The following TUT4 variants were observed in gnomAD, a reference collection of about 807,000 sequenced individuals.
TUT4 encodes terminal uridylyl transferase 4, also known as terminal uridylyltransferase 4.
A neutral mutation model predicts 192.2 loss-of-function variants in TUT4; 36 were observed. The observed-to-expected ratio is 0.19, with a 90% CI of 0.14 to 0.25. TUT4 has a LOEUF of 0.25. Among genes scored for constraint, TUT4 ranks in the 10% least tolerant of loss-of-function variants. The probability of loss-of-function intolerance (pLI) is 1.00; values close to 1 mark genes in which losing one functional copy is unlikely to be tolerated. For missense variants in TUT4, 1,493 were observed against 1,957.2 expected, an observed-to-expected ratio of 0.76 and a Z score of 4.47; for synonymous variants, 618 against 666.0, an observed-to-expected ratio of 0.93 and a Z score of 1.11.
chr1:52,532,549 G>A (rs1447882972), intron 1 of TUT4, among the ~76,000 whole-genome samples: 6 of 152,074 alleles, frequency 3.9e-5, no homozygotes, highest in Admixed American at 3.3e-4. Context: ...GGGCTCAAGC[G>A]ATCCTGCTGC....
intron 16 of TUT4, among the ~76,000 whole-genome samples, chr1:52,464,251 A>T (rs748884056): frequency 6.6e-6 from 1 of 151,648 alleles, no homozygotes; most frequent in East Asian, 1.9e-4. Flanking sequence ...CATTTTATTT[A>T]TTTATTTTTT....
At chr1:52,456,719 T>A (rs910431440) in intron 20 of TUT4, among the ~76,000 whole-genome samples, 2 of 152,070 alleles carry the variant, frequency 1.3e-5, no homozygotes, top group African/African-American at 2.4e-5. Context: ...AGTACAAAAA[T>A]TTTTAAGGCA....
In TUT4 at chr1:52,425,456, C is replaced by T. The variant is rs767255595; in HGVS notation, c.4763G>A (p.Arg1588His). The T allele has an allele frequency of 8.7e-6, 14 of 1,613,870 alleles. No individual in the cohort carries two copies. The East Asian group carries it at 1.1e-4, about 13-fold the overall frequency. Reference protein sequence around the residue: ...TPPIPWEHAPRPHFPLVPASW... With the variant: ...TPPIPWEHAPHPHFPLVPASW... ...AGCTGGGACAAGGGGGAAATGGGGA[C>T]GCGGTGCATGTTCCCAAGGAATTGG... The change falls in exon 29 of 30, where the codon CGT becomes CAT. Residue 1588 changes from arginine to histidine, a missense_variant. Arg to His is a conservative substitution (Grantham distance 29, BLOSUM62 0). Transcript: ENST00000257177.
At chr1:52,553,456 C>G (rs1441976049), upstream of TUT4, 1 of 150,106 alleles carries the variant, frequency 6.7e-6, no homozygotes, top group Non-Finnish European at 1.5e-5. Context: ...GAAGGGAGCG[C>G]GCGAGAGACA....
chr1:52,529,116 T>C (rs942146582), intron 1 of TUT4, among the ~76,000 whole-genome samples: 2 of 152,160 alleles, frequency 1.3e-5, no homozygotes, highest in Non-Finnish European at 2.9e-5. Context: ...CTTTCTAAAT[T>C]ATTATAATGA....
chr1:52,511,673 A>T (rs1411197072), intron 3 of TUT4, among the ~76,000 whole-genome samples: 3 of 152,158 alleles, frequency 2.0e-5, no homozygotes, highest in Non-Finnish European at 4.4e-5. Flanking sequence ...GCCCTGAGGC[A>T]GGAAGGTACC....
chr1:52,518,969 A>C (rs982925298), intron 2 of TUT4, among the ~76,000 whole-genome samples: 1 of 152,202 alleles, frequency 6.6e-6, no homozygotes, highest in Non-Finnish European at 1.5e-5. Flanking sequence ...TGTATTTATC[A>C]CCAAAAAACT....
At chr1:52,484,914 C>G (rs1353206920) in intron 9 of TUT4, among the ~76,000 whole-genome samples, 1 of 152,184 alleles carries the variant, frequency 6.6e-6, no homozygotes, top group African/African-American at 2.4e-5. Flanking sequence ...AGAGTCTTTT[C>G]CTGACCATTC....
chr1:52,454,064 G>A (rs1456118074), intron 20 of TUT4, among the ~76,000 whole-genome samples: 3 of 152,154 alleles, frequency 2.0e-5, no homozygotes, highest in South Asian at 2.1e-4. Context: ...AAACTCTGAT[G>A]AGCAAAATCA....
intron 13 of TUT4, among the ~76,000 whole-genome samples, chr1:52,473,340 G>A (rs1271049134): frequency 6.6e-6 from 1 of 152,082 alleles, no homozygotes; most frequent in East Asian, 1.9e-4. Context: ...CTGGAGATCT[G>A]TACAAAGTAG....
At chr1:52,551,364 A>C (rs1278006465) in intron 1 of TUT4, among the ~76,000 whole-genome samples, 1 of 152,188 alleles carries the variant, frequency 6.6e-6, no homozygotes, top group African/African-American at 2.4e-5. Flanking sequence ...TAGCCAAGTG[A>C]AAAACTGCAA....
At position 52,423,925 on chromosome 1, in the gene TUT4, T is replaced by G; in HGVS notation, c.*10A>C. 6.2e-7 allele frequency: 1 copy of G among 1,612,230 alleles called. No homozygotes were observed. Among genetic ancestry groups the G allele is most frequent in the Non-Finnish European group, 8.5e-7 (1 of 1,179,250 alleles). On this transcript the variant is annotated 3_prime_UTR_variant, in exon 30 of 30. Coordinates refer to ENST00000257177, the MANE Select transcript of TUT4 (RefSeq NM_001009881.3). ...CATCGGTAGACCAGCTGAAAGAAAA[T>G]GGACTCGCATTACTCCGACACGTTT...
At chr1:52,534,474 A>C (rs1177752631) in intron 1 of TUT4, among the ~76,000 whole-genome samples, 1 of 152,194 alleles carries the variant, frequency 6.6e-6, no homozygotes, top group Non-Finnish European at 1.5e-5. Context: ...GACCCCCGTA[A>C]ACTCCAACCA....
chr1:52,543,390 A>C (rs1244499986), intron 1 of TUT4, among the ~76,000 whole-genome samples: 1 of 152,224 alleles, frequency 6.6e-6, no homozygotes, highest in South Asian at 2.1e-4. Context: ...GAAGTGAAAG[A>C]CATGTACAAT....
intron 9 of TUT4, among the ~76,000 whole-genome samples, 160 bp downstream of exon 9, chr1:52,488,749 A>G (rs1313315965): frequency 6.6e-6 from 1 of 152,370 alleles, no homozygotes; most frequent in East Asian, 1.9e-4. Flanking sequence ...TCCATAAATT[A>G]CAACCTGCCA....
chr1:52,541,439 G>C (rs185160409), intron 1 of TUT4, among the ~76,000 whole-genome samples: 1 of 151,952 alleles, frequency 6.6e-6, no homozygotes, highest in African/African-American at 2.4e-5. Flanking sequence ...GGCTGAGGCA[G>C]GAGAATCGCT....
chr1:52,550,149 G>A (rs1404849230), intron 1 of TUT4, among the ~76,000 whole-genome samples: 1 of 152,108 alleles, frequency 6.6e-6, no homozygotes, highest in East Asian at 1.9e-4. Flanking sequence ...CTGCAGAAAT[G>A]ATGGTTTTTA....
intron 20 of TUT4, among the ~76,000 whole-genome samples, chr1:52,454,630 G>A (rs1660358144): frequency 6.6e-6 from 1 of 152,134 alleles, no homozygotes; most frequent in Non-Finnish European, 1.5e-5. Flanking sequence ...GAAAACACAA[G>A]AGAAAATCTG....
intron 19 of TUT4, among the ~76,000 whole-genome samples, chr1:52,459,885 A>C (rs887216118): frequency 6.6e-6 from 1 of 152,180 alleles, no homozygotes; most frequent in Non-Finnish European, 1.5e-5. Flanking sequence ...CCATCTCAAA[A>C]AAACATGAAA....
Sources: gnomAD v4.1 joint callset for allele counts (sites outside exome capture counted in the v4.1 genomes callset) on GRCh38, gnomAD v4.1.1 for gene constraint, MANE v1.5 for transcripts, NCBI Gene and HGNC (gene_info 2026-07-23, HGNC 2026-07-21) for gene names.